CLN8: variants seen among roughly 807,000 people sequenced by gnomAD.
CLN8 encodes the protein CLN8 transmembrane ER and ERGIC protein.
Under a neutral mutation model 15.7 loss-of-function variants are expected in CLN8, and 14 were observed. The observed-to-expected ratio is 0.89, with a 90% CI of 0.59 to 1.39. CLN8 has a LOEUF of 1.39. Ranked by LOEUF, CLN8 falls within the 40% of genes most tolerant of loss-of-function variation. The pLI is 0.00. For synonymous variants in CLN8, 188 were observed against 151.0 expected, an observed-to-expected ratio of 1.25 and a Z score of -1.80; for missense variants, 415 against 364.0, an observed-to-expected ratio of 1.14 and a Z score of -1.14.
chr8:1,774,607 C>A (rs1028127074), intron 2 of CLN8, among the ~76,000 whole-genome samples: 1 of 152,160 alleles, frequency 6.6e-6, no homozygotes, highest in African/African-American at 2.4e-5. Context: ...CTAAGTCAAG[C>A]ACAGTGGCTT....
At chr8:1,777,780 C>G (rs1801574941) in intron 2 of CLN8, among the ~76,000 whole-genome samples, 1 of 152,224 alleles carries the variant, frequency 6.6e-6, no homozygotes, top group South Asian at 2.1e-4. Context: ...CCTATGGTGA[C>G]AGTGCCTTCT....
At chr8:1,763,147 G>T (rs1007681462), upstream of CLN8, 3 of 151,928 alleles carry the variant, frequency 2.0e-5, no homozygotes, top group African/African-American at 7.2e-5. Context: ...GAGCCCCGGG[G>T]AGGCTCCGGC....
rs552581056 is a variant in CLN8, at chr8:1,770,241, T to A, written c.-123-691T>A. Among the ~76,000 whole-genome samples the A allele has an allele frequency of 1.1e-4, 17 of 152,122 alleles. No individual in the cohort carries two copies. In the South Asian group the frequency reaches 2.9e-3, roughly 26 times the overall value. On this transcript the variant is annotated intron_variant, in intron 1 of 2. Coordinates refer to ENST00000331222, the MANE Select transcript of CLN8 (RefSeq NM_018941.4). Reference sequence around the variant, plus strand: ...TAAGATGATGCCAACTTGGGGAAGGTAAAGACTTTTCCAGGAGAGGGCCCA... The same window carrying A: ...TAAGATGATGCCAACTTGGGGAAGGAAAAGACTTTTCCAGGAGAGGGCCCA...
At chr8:1,755,815 G>A (rs1800656995) in exon 1 of CLN8, 1 of 152,192 alleles carries the variant, frequency 6.6e-6, no homozygotes, top group Non-Finnish European at 1.5e-5. Flanking sequence ...TTCAGAATGA[G>A]TCAGCTCCGC....
upstream of CLN8, among the ~76,000 whole-genome samples, chr8:1,761,291 T>G (rs1056137495): frequency 5.9e-5 from 9 of 151,576 alleles, no homozygotes; most frequent in African/African-American, 2.2e-4. Context: ...TTATTATTAC[T>G]CAAATCAATT....
intron 2 of CLN8, among the ~76,000 whole-genome samples, chr8:1,772,626 T>TTG (rs568342994): frequency 0.052 from 7,703 of 147,372 alleles, 276 homozygotes; most frequent in East Asian, 0.18. Context: ...CCTAGCTAAT[T>TTG]TGTGTGTGTG....
At chr8:1,778,624 G>A (rs1413270922) in intron 2 of CLN8, among the ~76,000 whole-genome samples, 1 of 152,174 alleles carries the variant, frequency 6.6e-6, no homozygotes, top group African/African-American at 2.4e-5. Context: ...TAAGTGCTTG[G>A]TATGTTTGTG....
intron 2 of CLN8, among the ~76,000 whole-genome samples, chr8:1,775,236 T>C (rs1031166379): frequency 2.6e-5 from 4 of 152,178 alleles, no homozygotes; most frequent in Admixed American, 2.6e-4. Context: ...CTACAGATGA[T>C]TTAAGGAGTA....
intron 1 of CLN8, among the ~76,000 whole-genome samples, chr8:1,765,671 G>A (rs186373199): frequency 3.0e-4 from 46 of 152,256 alleles, no homozygotes; most frequent in African/African-American, 9.6e-4. Context: ...TTAGTGAGTG[G>A]GTAACAGGAA....
rs1801274793 is a variant in CLN8 at position 1,771,013 on chromosome 8, C to T, written c.-42C>T. The T allele has an allele frequency of 7.5e-6, 12 of 1,602,186 alleles. No homozygotes were observed. The South Asian group carries it at 1.2e-4, about 16-fold the overall frequency. On this transcript the variant is annotated 5_prime_UTR_variant, in exon 2 of 3. Coordinates refer to ENST00000331222, the MANE Select transcript of CLN8 (RefSeq NM_018941.4). ...GACAAGACACAGTGTAGGGCCCGGC[C>T]CGTGTTGGCCCCAGGACTCCTTTGG...
At chr8:1,764,518 GT>G (rs1800964992) in intron 1 of CLN8, 1 of 152,514 alleles carries the variant, frequency 6.6e-6, no homozygotes, top group Non-Finnish European at 1.5e-5. Context: ...CAGGTGTCAC[GT>G]GGGTGTGGCC....
upstream of CLN8, among the ~76,000 whole-genome samples, chr8:1,754,823 C>T (rs1048917581): frequency 2.0e-5 from 3 of 152,168 alleles, no homozygotes; most frequent in South Asian, 4.1e-4. Context: ...TAGTTCACAG[C>T]GCATGTCTGG....
At chr8:1,763,016 TAAC>T (rs1349422513), upstream of CLN8, 2 of 152,216 alleles carry the variant, frequency 1.3e-5, no homozygotes, top group African/African-American at 4.8e-5. Context: ...GTAACTCGAA[TAAC>T]AACCTTAGCA....
chr8:1,772,956 T>C, intron 2 of CLN8: 1 of 398,616 alleles, frequency 2.5e-6, no homozygotes, highest in East Asian at 3.6e-5. Context: ...AAAATAAGCA[T>C]AACAAATCAC....
At chr8:1,765,135 G>C (rs1009348014) in intron 1 of CLN8, 1 of 152,154 alleles carries the variant, frequency 6.6e-6, no homozygotes, top group Non-Finnish European at 1.5e-5. Flanking sequence ...CATACAAAGA[G>C]CACAGGTTCT....
chr8:1,777,667 G>A (rs1801571590), intron 2 of CLN8, among the ~76,000 whole-genome samples: 1 of 151,864 alleles, frequency 6.6e-6, no homozygotes, highest in African/African-American at 2.4e-5. Context: ...CATTCATCCA[G>A]CCCTGCACAG....
At chr8:1,776,891 A>T (rs1166162741) in intron 2 of CLN8, among the ~76,000 whole-genome samples, 1 of 152,192 alleles carries the variant, frequency 6.6e-6, no homozygotes, top group Non-Finnish European at 1.5e-5. Flanking sequence ...GAGTTTGTCC[A>T]CGCAGCAGAA....
upstream of CLN8, among the ~76,000 whole-genome samples, chr8:1,754,174 G>A (rs1211792552): frequency 2.6e-5 from 4 of 152,166 alleles, no homozygotes; most frequent in African/African-American, 9.7e-5. Context: ...CACACCACGA[G>A]CATGATCCTA....
rs1053450000 is a variant in CLN8 at position 1,782,522 on chromosome 8, G to T, written c.*1955G>T. On this transcript the variant is annotated 3_prime_UTR_variant, in exon 3 of 3. Coordinates refer to ENST00000331222, the MANE Select transcript of CLN8 (RefSeq NM_018941.4). ...TAGTAACCTATTTATCACATTTTAC[G>T]AAGCAATTTTAATCTTAAACACATC... The T allele has an allele frequency of 1.3e-5, 2 of 152,126 alleles. No homozygotes were observed. Among genetic ancestry groups the T allele is most frequent in the African/African-American group, 4.8e-5 (2 of 41,426 alleles). 9.4% of individuals were successfully genotyped at this position (152,126 alleles called of 1,614,324 possible).
Sources: allele counts gnomAD v4.1 joint callset (sites outside exome capture counted in the v4.1 genomes callset), GRCh38; gene constraint gnomAD v4.1.1; transcripts MANE v1.5; gene names NCBI Gene and HGNC (gene_info 2026-07-23, HGNC 2026-07-21).